The following HORMAD1 variants were observed in gnomAD, a reference collection of about 807,000 sequenced individuals.
HORMAD1 encodes the protein HORMA domain containing 1.
In HORMAD1, 33 loss-of-function variants were observed where a neutral mutation model predicts 58.2. That is an observed-to-expected ratio of 0.57 (90% confidence interval 0.43 to 0.76). The LOEUF is 0.76. HORMAD1 is among the 30% of genes least tolerant of loss of function. The pLI is 0.00. For missense variants in HORMAD1, 363 were observed against 462.0 expected (o/e 0.79, Z 1.96); for synonymous variants, 137 against 144.6 (o/e 0.95, Z 0.38).
At chr1:150,708,003 A>G (rs1007328502) in intron 9 of HORMAD1, among the ~76,000 whole-genome samples, 5 of 152,198 alleles carry the variant, frequency 3.3e-5, no homozygotes, top group Non-Finnish European at 5.9e-5. Context: ...TACCAATCTG[A>G]TAAGTGAAAA....
Position 150,714,123 on chromosome 1 carries a change from TAA to T in HORMAD1, c.243-4_243-3del. The T allele has an allele frequency of 1.1e-5, 15 of 1,343,678 alleles. No homozygotes were observed. Among genetic ancestry groups the T allele is most frequent in the Admixed American group, 2.1e-5 (1 of 47,140 alleles). The allele number at this position is 1,343,678 out of a possible 1,614,324, so 83.2% of individuals were successfully genotyped here. ...AAAGCATCATAACATCCTAGCATCC[TAA>T]AAAAAAAATCAAGGATTCATTTTTA... On this transcript the variant is annotated splice_polypyrimidine_tract_variant and splice_region_variant and intron_variant, in intron 4 of 14. Transcript: ENST00000361824.
chr1:150,716,739 A>G (rs11805308), intron 3 of HORMAD1, among the ~76,000 whole-genome samples: 58,033 of 150,984 alleles, frequency 0.38, 11,451 homozygotes, highest in South Asian at 0.55. Context: ...CGAGGCGGGC[A>G]GATCACAAGG....
intron 12 of HORMAD1, 124 bp from the exon 13 acceptor site, chr1:150,703,517 A>C (rs925330320): frequency 2.4e-5 from 14 of 584,434 alleles, no homozygotes; most frequent in Admixed American, 1.3e-4. Context: ...AAAACCAATA[A>C]TTTTGAGTTG....
intron 10 of HORMAD1, among the ~76,000 whole-genome samples, chr1:150,705,355 G>T (rs1055150169): frequency 6.6e-6 from 1 of 151,286 alleles, no homozygotes; most frequent in African/African-American, 2.4e-5. Flanking sequence ...GAGAAACCCT[G>T]TCTCTACTAA....
At chr1:150,707,162 A>G (rs587750842) in intron 9 of HORMAD1, among the ~76,000 whole-genome samples, 3 of 152,340 alleles carry the variant, frequency 2.0e-5, no homozygotes, top group South Asian at 4.1e-4. Flanking sequence ...TAAATACTCA[A>G]TAAATGTTAG....
Position 150,714,604 on chromosome 1 carries a change from CT to C in HORMAD1, c.242+10del. 1 of 1,370,982 alleles carries C rather than the reference CT, an allele frequency of 7.3e-7. No individual in the cohort carries two copies. The allele number at this position is 1,370,982 out of a possible 1,614,324, so 84.9% of individuals were successfully genotyped here. On this transcript the variant is annotated intron_variant, in intron 4 of 14. Transcript: ENST00000361824. ...AAATAATTTTCTCTCTTTAGGTATT[CT>C]TTTACTTGCCATTTCACTAACTGTG...
chr1:150,707,125 A>C (rs1401539001), intron 9 of HORMAD1, among the ~76,000 whole-genome samples: 1 of 152,206 alleles, frequency 6.6e-6, no homozygotes, highest in African/African-American at 2.4e-5. Context: ...AGTGTCGTAA[A>C]ATGTTGAGAA....
intron 12 of HORMAD1, 63 bp downstream of exon 12, chr1:150,704,055 T>C (rs1651611301): frequency 2.0e-6 from 2 of 1,022,082 alleles, no homozygotes; most frequent in Non-Finnish European, 1.4e-6. Context: ...AAATAAAAAA[T>C]TAGCGCATAA....
At chr1:150,712,704 G>A (rs1426620100) in intron 5 of HORMAD1, among the ~76,000 whole-genome samples, 3 of 151,970 alleles carry the variant, frequency 2.0e-5, no homozygotes, top group Non-Finnish European at 2.9e-5. Flanking sequence ...GCGCCAACAC[G>A]CCTAGCTCAT....
At chr1:150,715,236 T>A (rs1313782001) in intron 3 of HORMAD1, among the ~76,000 whole-genome samples, 1 of 152,112 alleles carries the variant, frequency 6.6e-6, no homozygotes, top group Non-Finnish European at 1.5e-5. Flanking sequence ...ATAAAAAACT[T>A]ATAGAATCCA....
chr1:150,708,425 A>G lies in HORMAD1; in HGVS notation c.396-18T>C. The G allele has an allele frequency of 1.3e-6, 2 of 1,522,254 alleles. No homozygotes were observed. Among genetic ancestry groups the G allele is most frequent in the Non-Finnish European group, 1.8e-6 (2 of 1,122,432 alleles). The allele number at this position is 1,522,254 out of a possible 1,614,324, so 94.3% of individuals were successfully genotyped here. A position where few individuals can be genotyped will look rare whatever the true frequency, so the allele number is the denominator to read the frequency against. On this transcript the variant is annotated intron_variant, in intron 8 of 14. Coordinates refer to ENST00000361824, the MANE Select transcript of HORMAD1 (RefSeq NM_032132.5). ...GGTTTTTACTAGAAGAGAATCACAT[A>G]TTAATTTATTTTATAAAACCTGTGG...
chr1:150,708,218 T>C (rs774864738), intron 9 of HORMAD1, 38 bp downstream of exon 9: 3 of 1,468,246 alleles, frequency 2.0e-6, no homozygotes, highest in East Asian at 4.9e-5. Context: ...TGATAAAACA[T>C]ATGTACCAAC....
At chr1:150,705,914 T>C (rs2101855287) in intron 10 of HORMAD1, among the ~76,000 whole-genome samples, 1 of 152,292 alleles carries the variant, frequency 6.6e-6, no homozygotes, top group Non-Finnish European at 1.5e-5. Context: ...AAGGACATAA[T>C]GTTAATGCTT....
At chr1:150,714,717 A>G in intron 3 of HORMAD1, 39 bp from the exon 4 acceptor site, 1 of 987,982 alleles carries the variant, frequency 1.0e-6, no homozygotes, top group Non-Finnish European at 1.5e-6. Flanking sequence ...TTACTTAAGA[A>G]AAGTAAACAA....
chr1:150,717,072 G>A (rs1215275677), intron 3 of HORMAD1, 66 bp downstream of exon 3: 6 of 1,041,722 alleles, frequency 5.8e-6, no homozygotes, highest in Non-Finnish European at 8.1e-6. Flanking sequence ...AAAAATTATA[G>A]TTTTGGAGCA....
chr1:150,706,180 G>A (rs979314788), intron 10 of HORMAD1, among the ~76,000 whole-genome samples: 1 of 152,110 alleles, frequency 6.6e-6, no homozygotes, highest in Non-Finnish European at 1.5e-5. Flanking sequence ...ACACTTAGTA[G>A]GGATGTTGTA....
chr1:150,714,645 T>C lies in HORMAD1; in HGVS notation c.212A>G (p.Asn71Ser). 6.9e-7 allele frequency: 1 copy of C among 1,453,172 alleles called. No individual in the cohort carries two copies. The highest frequency in any genetic ancestry group is 9.2e-7 in the Non-Finnish European group (1 of 1,081,426). 90.0% of individuals were successfully genotyped at this position (1,453,172 alleles called of 1,614,324 possible). A position where few individuals can be genotyped will look rare whatever the true frequency, so the allele number is the denominator to read the frequency against. Residue 71 changes from asparagine (N) to serine (S), a missense_variant, in exon 4 of 15, where the codon AAT becomes AGT. Coordinates refer to ENST00000361824, the MANE Select transcript of HORMAD1 (RefSeq NM_032132.5). ...LCVKILREDK[N>S]CPGSTQLVKW... ...CACTAACTGTGTAGATCCTGGGCAA[T>C]TTTTATCTTCTCTCAGTATTTTGAC...
At chr1:150,714,964 T>A (rs1652024639) in intron 3 of HORMAD1, among the ~76,000 whole-genome samples, 1 of 151,954 alleles carries the variant, frequency 6.6e-6, no homozygotes. Context: ...TTGTATTTTT[T>A]GGTAGAGACA....
intron 2 of HORMAD1, among the ~76,000 whole-genome samples, chr1:150,717,958 T>C (rs1652137439): frequency 6.6e-6 from 1 of 152,134 alleles, no homozygotes; most frequent in African/African-American, 2.4e-5. Flanking sequence ...AAAAAAAGTA[T>C]ATAATCATTA....
Sources: gnomAD v4.1 joint callset for allele counts (sites outside exome capture counted in the v4.1 genomes callset) on GRCh38, gnomAD v4.1.1 for gene constraint, MANE v1.5 for transcripts, NCBI Gene and HGNC (gene_info 2026-07-23, HGNC 2026-07-21) for gene names.